The following SNRPG variants were observed in gnomAD, a reference collection of about 807,000 sequenced individuals.
SNRPG encodes small nuclear ribonucleoprotein polypeptide G.
In SNRPG, 3 loss-of-function variants were observed where a neutral mutation model predicts 13.9. That is an observed-to-expected ratio of 0.22 (90% CI 0.10 to 0.56). The LOEUF (loss-of-function observed/expected upper bound fraction) is 0.56. Among genes scored for constraint, SNRPG ranks in the 20% least tolerant of loss-of-function variants. The pLI is 0.93. For synonymous variants in SNRPG, 29 were observed against 29.3 expected, an observed-to-expected ratio of 0.99 and a Z score of 0.03; for missense variants, 34 against 96.1, an observed-to-expected ratio of 0.35 and a Z score of 2.70.
At chr2:70,281,755 T>A in intron 3 of SNRPG, 71 bp from the exon 4 acceptor site, 1 of 841,720 alleles carries the variant, frequency 1.2e-6, no homozygotes, top group Non-Finnish European at 2.0e-6. Flanking sequence ...ATTTAAGAAT[T>A]TTCACCAAAT....
rs764211668 is a variant in SNRPG, at chr2:70,288,211, G to T, written c.56-19C>A. The T allele has an allele frequency of 1.0e-5, 16 of 1,606,722 alleles. No individual in the cohort carries two copies. The Admixed American group carries it at 1.0e-4, about 10-fold the overall frequency. On this transcript the variant is annotated intron_variant, in intron 2 of 3. Transcript: ENST00000272348. Reference sequence around the variant, plus strand: ...AATTTCACTATTAAAAAGAGAAAAAGAAGTTTTAGAAAAACATTCCATTAG... The same window carrying T: ...AATTTCACTATTAAAAAGAGAAAAATAAGTTTTAGAAAAACATTCCATTAG...
In SNRPG at chr2:70,288,082, T is replaced by C. The variant is rs1373114593; in HGVS notation, c.166A>G (p.Asn56Asp). ...TCTTTACTTACCACCATTCCAATAT[T>C]GTTCTGTTGTCCACTAGTCGCCATC... is the stretch of plus-strand genomic sequence containing the variant. ...VEMATSGQQN[N>D]IGMVVIRGNS... The change falls in exon 3 of 4, where the codon AAT becomes GAT. Residue 56 changes from asparagine (N) to aspartate (D), a missense_variant. Transcript: ENST00000272348. 1 of 1,611,822 alleles carries C rather than the reference T, an allele frequency of 6.2e-7. No individual in the cohort carries two copies. The highest frequency in any genetic ancestry group is 8.5e-7 in the Non-Finnish European group (1 of 1,179,410).
chr2:70,289,318 TAAAA>T, intron 2 of SNRPG, 28 bp downstream of exon 2: 3 of 1,313,690 alleles, frequency 2.3e-6, no homozygotes, highest in African/African-American at 1.5e-5. Context: ...ATTAAATAAT[TAAAA>T]AAAACCCCAA....
At chr2:70,287,239 C>G (rs1181648848) in intron 3 of SNRPG, 1 of 688,428 alleles carries the variant, frequency 1.5e-6, no homozygotes. Context: ...GTTAATAAAT[C>G]AAGGCTAATA....
At chr2:70,284,014 CA>C (rs1696879651) in intron 3 of SNRPG, among the ~76,000 whole-genome samples, 1 of 152,204 alleles carries the variant, frequency 6.6e-6, no homozygotes, top group South Asian at 2.1e-4. Flanking sequence ...AACCAAGCTC[CA>C]TGCTACTGCA....
At chr2:70,282,510 TTGAA>T (rs371390992) in intron 3 of SNRPG, among the ~76,000 whole-genome samples, 29 of 152,240 alleles carry the variant, frequency 1.9e-4, no homozygotes, top group African/African-American at 7.0e-4. Context: ...GTAATCTAAT[TTGAA>T]TGCAGTAAAA....
chr2:70,286,608 A>C (rs1335129411), intron 3 of SNRPG, among the ~76,000 whole-genome samples: 1 of 152,142 alleles, frequency 6.6e-6, no homozygotes, highest in Non-Finnish European at 1.5e-5. Context: ...CTAAGTAGGT[A>C]ATCATTACTT....
At chr2:70,287,858 A>C in intron 3 of SNRPG, 1 of 574,434 alleles carries the variant, frequency 1.7e-6, no homozygotes, top group Non-Finnish European at 3.1e-6. Flanking sequence ...TTCAAGCGCT[A>C]GGACCTTAGG....
chr2:70,285,210 A>G (rs961878805), intron 3 of SNRPG, among the ~76,000 whole-genome samples: 2 of 152,218 alleles, frequency 1.3e-5, no homozygotes. Context: ...AAAAAGAATC[A>G]TATGTTGAGA....
intron 3 of SNRPG, among the ~76,000 whole-genome samples, chr2:70,283,468 A>G (rs1559041846): frequency 6.6e-6 from 1 of 152,210 alleles, no homozygotes; most frequent in Non-Finnish European, 1.5e-5. Context: ...AAGTAGTTGT[A>G]ACTTATTCTT....
chr2:70,284,927 T>C (rs565688853), intron 3 of SNRPG, among the ~76,000 whole-genome samples: 4 of 152,228 alleles, frequency 2.6e-5, no homozygotes, highest in Admixed American at 1.3e-4. Context: ...TTACACTGCA[T>C]GCTGTTCTTA....
Position 70,289,345 on chromosome 2 carries a change from CT to C in SNRPG, c.55+4del. The C allele has an allele frequency of 7.0e-7, 1 of 1,421,114 alleles. No homozygotes were observed. The highest frequency in any genetic ancestry group is 9.8e-7 in the Non-Finnish European group (1 of 1,024,150). 88.0% of individuals were successfully genotyped at this position (1,421,114 alleles called of 1,614,324 possible). A position where few individuals can be genotyped will look rare whatever the true frequency, so the allele number is the denominator to read the frequency against. On this transcript the variant is annotated splice_donor_region_variant and intron_variant, in intron 2 of 3. Coordinates refer to ENST00000272348, the MANE Select transcript of SNRPG (RefSeq NM_003096.4). ...AAAAAAACCCCAAAACAACAACAAA[CT>C]TACATGATAACTTCTTGTCCATAAA...
chr2:70,286,246 A>G (rs558301848), intron 3 of SNRPG, among the ~76,000 whole-genome samples: 12 of 152,172 alleles, frequency 7.9e-5, no homozygotes, highest in Non-Finnish European at 1.0e-4. Context: ...CATAACTGCA[A>G]TAAAACAGTA....
At position 70,293,680 on chromosome 2, in the gene SNRPG, T is replaced by C; in HGVS notation, c.-31A>G. ...ATACTCCGCGGGCTCACAGATGCCT[T>C]GGAACGCAACGCACGGCTTTCCTCA... On this transcript the variant is annotated 5_prime_UTR_variant, in exon 1 of 4. Transcript: ENST00000272348. 1 of 1,611,930 alleles carries C rather than the reference T, an allele frequency of 6.2e-7. No individual in the cohort carries two copies. Among genetic ancestry groups the C allele is most frequent in the Non-Finnish European group, 8.5e-7 (1 of 1,177,980 alleles).
chr2:70,287,146 GA>G, intron 3 of SNRPG: 1 of 591,404 alleles, frequency 1.7e-6, no homozygotes, highest in South Asian at 2.1e-5. Flanking sequence ...ACCTTGGAAA[GA>G]ATGGTATGTA....
At position 70,292,930 on chromosome 2, in the gene SNRPG, G is replaced by A. The variant is rs1573999747; in HGVS notation, c.32+688C>T. On this transcript the variant is annotated intron_variant, in intron 1 of 3. Coordinates refer to ENST00000272348, the MANE Select transcript of SNRPG (RefSeq NM_003096.4). ...TACGTTGAGTCCTACCTAAAGTAAG[G>A]CTCTCCTACTTAAAGTTGTTTGACT... is the stretch of plus-strand genomic sequence containing the variant. 7.1e-6 allele frequency: 4 copies of A among 567,090 alleles called. No individual in the cohort carries two copies. In the East Asian group the frequency reaches 8.5e-5, roughly 12 times the overall value. The allele number at this position is 567,090 out of a possible 1,614,324, so 35.1% of individuals were successfully genotyped here. A position where few individuals can be genotyped will look rare whatever the true frequency, so the allele number is the denominator to read the frequency against.
rs563695149 is a variant in SNRPG, at chr2:70,289,319, A to T, written c.55+31T>A. The stretch of plus-strand genomic sequence containing the variant: ...ACATGTAAAAAGCAATTAAATAATT[A>T]AAAAAAACCCCAAAACAACAACAAA... On this transcript the variant is annotated intron_variant, in intron 2 of 3. Transcript: ENST00000272348. 608 of 1,311,526 alleles carry T rather than the reference A, an allele frequency of 4.6e-4. 4 individuals carry two copies. In the South Asian group the frequency reaches 5.8e-3, roughly 12 times the overall value. The allele number at this position is 1,311,526 out of a possible 1,614,324, so 81.2% of individuals were successfully genotyped here.
intron 1 of SNRPG, among the ~76,000 whole-genome samples, chr2:70,290,564 G>T (rs149412970): frequency 1.7e-4 from 26 of 151,874 alleles, no homozygotes; most frequent in African/African-American, 5.8e-4. Flanking sequence ...ATGAAAAAAA[G>T]ATGTTTAGTA....
chr2:70,293,701 C>T lies in SNRPG; in HGVS notation c.-52G>A, dbSNP rs1373048918. Reference sequence around the variant, plus strand: ...GCCTTGGAACGCAACGCACGGCTTTCCTCACGCTCCCGCTGTAGGCCCGGC... The same window carrying T: ...GCCTTGGAACGCAACGCACGGCTTTTCTCACGCTCCCGCTGTAGGCCCGGC... On this transcript the variant is annotated 5_prime_UTR_variant, in exon 1 of 4. Transcript: ENST00000272348. The T allele has an allele frequency of 2.6e-6, 4 of 1,568,068 alleles. No homozygotes were observed. The highest frequency in any genetic ancestry group is 1.4e-5 in the African/African-American group (1 of 73,980).
Sources: gnomAD v4.1 joint callset for allele counts (sites outside exome capture counted in the v4.1 genomes callset) on GRCh38, gnomAD v4.1.1 for gene constraint, MANE v1.5 for transcripts, NCBI Gene and HGNC (gene_info 2026-07-23, HGNC 2026-07-21) for gene names.